ELOVL5: variants seen among roughly 807,000 people sequenced by gnomAD.
The protein encoded by ELOVL5 is ELOVL fatty acid elongase 5, also known as very long chain fatty acid elongase 5.
ELOVL5 carries 8 observed loss-of-function variants against 38.6 expected under a neutral mutation model. That is an observed-to-expected ratio of 0.21 (90% CI 0.12 to 0.37). The LOEUF (loss-of-function observed/expected upper bound fraction) is 0.37. Ranked by LOEUF, ELOVL5 falls within the 10% of genes least tolerant of loss-of-function variation. The probability of loss-of-function intolerance (pLI) is 1.00; values close to 1 mark genes in which losing one functional copy is unlikely to be tolerated. For synonymous variants in ELOVL5, 127 were observed against 133.7 expected (o/e 0.95, Z 0.34); for missense variants, 280 against 367.8 (o/e 0.76, Z 1.95).
chr6:53,292,057 C>A, intron 2 of ELOVL5, 94 bp from the exon 3 acceptor site: 1 of 708,562 alleles, frequency 1.4e-6, no homozygotes, highest in Non-Finnish European at 2.2e-6. Context: ...ATAAAAGTCA[C>A]CTGGTATTCA....
At chr6:53,293,865 A>AGGGT (rs1766871391) in intron 2 of ELOVL5, among the ~76,000 whole-genome samples, 1 of 152,160 alleles carries the variant, frequency 6.6e-6, no homozygotes, top group Admixed American at 6.5e-5. Flanking sequence ...ATGGTCACGG[A>AGGGT]GGGTGTTACT....
rs532980951 is a variant in ELOVL5 at position 53,281,168 on chromosome 6, A to T, written c.247-4912T>A. Among the ~76,000 whole-genome samples, 3 of 152,336 alleles carry T rather than the reference A, an allele frequency of 2.0e-5. No homozygotes were observed. In the South Asian group the frequency reaches 6.2e-4, roughly 32 times the overall value. ...CAAAGAAGACTGGCTGCTTCTGGTG[A>T]TAAGAGCTTGATGAAGCTGCATGTT... On this transcript the variant is annotated intron_variant, in intron 3 of 7. Transcript: ENST00000304434.
intron 3 of ELOVL5, among the ~76,000 whole-genome samples, chr6:53,278,427 A>T (rs775173733): frequency 6.6e-6 from 1 of 152,164 alleles, no homozygotes; most frequent in Admixed American, 6.5e-5. Flanking sequence ...TTGTTAACTC[A>T]GCAGAAGGGA....
chr6:53,274,240 G>T (rs1460429270), intron 5 of ELOVL5, among the ~76,000 whole-genome samples: 4 of 125,988 alleles, frequency 3.2e-5, no homozygotes, highest in African/African-American at 1.6e-4. Flanking sequence ...TCTGACAGTG[G>T]GAGGAAGAGC....
chr6:53,309,194 T>G (rs1767723293), intron 1 of ELOVL5, among the ~76,000 whole-genome samples: 1 of 152,318 alleles, frequency 6.6e-6, no homozygotes, highest in South Asian at 2.1e-4. Flanking sequence ...GTATCTGTCT[T>G]GCTCCTTGTA....
At chr6:53,347,009 T>C (rs2127596812) in intron 1 of ELOVL5, among the ~76,000 whole-genome samples, 1 of 152,328 alleles carries the variant, frequency 6.6e-6, no homozygotes, top group Middle Eastern at 3.4e-3. Flanking sequence ...TCCTGCCACA[T>C]AAAATCCCCA....
chr6:53,324,618 T>C (rs960135354), intron 1 of ELOVL5, among the ~76,000 whole-genome samples: 1 of 136,212 alleles, frequency 7.3e-6, no homozygotes, highest in African/African-American at 3.0e-5. Context: ...GAGGTTGCAG[T>C]GAGCCAAGAT....
At chr6:53,293,281 G>C (rs1394100522) in intron 2 of ELOVL5, among the ~76,000 whole-genome samples, 1 of 152,088 alleles carries the variant, frequency 6.6e-6, no homozygotes, top group African/African-American at 2.4e-5. Flanking sequence ...GCAGTTGGGA[G>C]GACAGCCTTT....
intron 1 of ELOVL5, among the ~76,000 whole-genome samples, chr6:53,312,577 G>A (rs1328006078): frequency 6.6e-6 from 1 of 152,214 alleles, no homozygotes; most frequent in Non-Finnish European, 1.5e-5. Flanking sequence ...TAGCAATGTT[G>A]TGTATCTGGA....
At chr6:53,282,557 C>T (rs1766399647) in intron 3 of ELOVL5, among the ~76,000 whole-genome samples, 1 of 152,216 alleles carries the variant, frequency 6.6e-6, no homozygotes, top group African/African-American at 2.4e-5. Context: ...CTAGGGACAA[C>T]TAACTGTTTC....
intron 6 of ELOVL5, among the ~76,000 whole-genome samples, chr6:53,271,069 C>G (rs544437699): frequency 6.2e-4 from 94 of 152,294 alleles, no homozygotes; most frequent in Non-Finnish European, 1.0e-3. Flanking sequence ...AACATCACTG[C>G]AGGATGTGCC....
intron 1 of ELOVL5, among the ~76,000 whole-genome samples, chr6:53,327,454 T>C (rs895157314): frequency 6.6e-6 from 1 of 152,176 alleles, no homozygotes; most frequent in African/African-American, 2.4e-5. Flanking sequence ...TATTGTATGA[T>C]TCCATTTATA....
chr6:53,290,875 CTTT>C (rs1766747420), intron 3 of ELOVL5, among the ~76,000 whole-genome samples: 1 of 152,108 alleles, frequency 6.6e-6, no homozygotes, highest in Admixed American at 6.5e-5. Flanking sequence ...CTACCTTCTT[CTTT>C]ACTACTCCTT....
At chr6:53,330,517 C>CTTTTTTTTTTT (rs757160862) in intron 1 of ELOVL5, among the ~76,000 whole-genome samples, 3 of 91,424 alleles carry the variant, frequency 3.3e-5, no homozygotes, top group African/African-American at 4.2e-5. Context: ...TCTTTATAAA[C>CTTTTTTTTTTT]TTTTTTTTTT....
chr6:53,290,912 C>A (rs1344029795), intron 3 of ELOVL5, among the ~76,000 whole-genome samples: 2 of 152,028 alleles, frequency 1.3e-5, no homozygotes, highest in Non-Finnish European at 2.9e-5. Context: ...CAAAATGAAA[C>A]CCTGAAAACC....
Position 53,344,225 on chromosome 6 carries a change from T to C in ELOVL5, c.-9+4592A>G, listed in dbSNP as rs150028969. On this transcript the variant is annotated intron_variant, in intron 1 of 7. Coordinates refer to ENST00000304434, the MANE Select transcript of ELOVL5 (RefSeq NM_021814.5). The stretch of plus-strand genomic sequence containing the variant: ...TATCTAGGCTGTGGGGCTATTTCCA[T>C]CTGATCACAAAGCTCCCTCTTCTCT... Among the ~76,000 whole-genome samples, 104 of 152,330 alleles carry C rather than the reference T, an allele frequency of 6.8e-4. 1 individual carries two copies. The East Asian group carries it at 0.02, about 29-fold the overall frequency.
chr6:53,290,311 ATG>A (rs1766725797), intron 3 of ELOVL5: 1 of 152,262 alleles, frequency 6.6e-6, no homozygotes, highest in African/African-American at 2.4e-5. Context: ...TAATATTGCC[ATG>A]TATAATAATA....
intron 1 of ELOVL5, among the ~76,000 whole-genome samples, chr6:53,343,299 G>A (rs1769405841): frequency 6.6e-6 from 1 of 151,576 alleles, no homozygotes. Context: ...TGTAACCTCC[G>A]CCTCCTGGAC....
rs1196663815 is a variant in ELOVL5, at chr6:53,269,012, A to AGC, written c.*114_*115insGC. On this transcript the variant is annotated 3_prime_UTR_variant, in exon 8 of 8. Coordinates refer to ENST00000304434, the MANE Select transcript of ELOVL5 (RefSeq NM_021814.5). ...GAATTGATGAAAGAAGTCCTACATG[A>AGC]ATCACACTATTGTAGGCCAGACTAG... 8.3e-7 allele frequency: 1 copy of AGC among 1,206,276 alleles called. No individual in the cohort carries two copies. The highest frequency in any genetic ancestry group is 1.2e-6 in the Non-Finnish European group (1 of 856,440). 74.7% of individuals were successfully genotyped at this position (1,206,276 alleles called of 1,614,324 possible).
Sources: gnomAD v4.1 joint callset for allele counts (sites outside exome capture counted in the v4.1 genomes callset) on GRCh38, gnomAD v4.1.1 for gene constraint, MANE v1.5 for transcripts, NCBI Gene and HGNC (gene_info 2026-07-23, HGNC 2026-07-21) for gene names.